The following TAFA1 variants were observed in gnomAD, a reference collection of about 807,000 sequenced individuals.
TAFA1 encodes TAFA chemokine like family member 1.
In TAFA1, 4 loss-of-function variants were observed where a neutral mutation model predicts 18.5. The observed-to-expected ratio is 0.22, with a 90% confidence interval of 0.11 to 0.49. TAFA1 has a LOEUF of 0.49. TAFA1 is among the 20% of genes least tolerant of loss of function. The probability of loss-of-function intolerance (pLI) is 0.98; values close to 1 mark genes in which losing one functional copy is unlikely to be tolerated. For synonymous variants in TAFA1, 56 were observed against 55.2 expected (o/e 1.01, Z -0.06); for missense variants, 147 against 169.0 (o/e 0.87, Z 0.72).
intron 3 of TAFA1, among the ~76,000 whole-genome samples, chr3:68,422,002 A>G (rs2070963004): frequency 6.6e-6 from 1 of 152,114 alleles, no homozygotes; most frequent in South Asian, 2.1e-4. Flanking sequence ...ACATCCATGC[A>G]CTAAAATCAC....
intron 2 of TAFA1, among the ~76,000 whole-genome samples, chr3:68,398,633 G>C (rs1337105122): frequency 1.3e-5 from 2 of 152,130 alleles, no homozygotes; most frequent in Non-Finnish European, 2.9e-5. Context: ...TTTACTGTGA[G>C]GAAGAAAACT....
rs950940251 is a variant in TAFA1 at position 68,514,810 on chromosome 3, T to C, written c.260-23946T>C. Among the ~76,000 whole-genome samples the C allele has an allele frequency of 3.9e-5, 6 of 152,260 alleles. No individual in the cohort carries two copies. The South Asian group carries it at 6.2e-4, about 16-fold the overall frequency. On this transcript the variant is annotated intron_variant, in intron 3 of 4. Coordinates refer to ENST00000478136, the MANE Select transcript of TAFA1 (RefSeq NM_213609.4). ...CTTAGGTCACAAGCCTATTTCTGAA[T>C]CAGTCACTGTGGCCAAAGAGATTGT...
chr3:68,199,222 G>T (rs1318378998), intron 2 of TAFA1, among the ~76,000 whole-genome samples: 1 of 151,382 alleles, frequency 6.6e-6, no homozygotes, highest in Non-Finnish European at 1.5e-5. Context: ...ATTTATTTGT[G>T]TATTCTTTTT....
chr3:68,256,254 A>T (rs572585838), intron 2 of TAFA1, among the ~76,000 whole-genome samples: 16 of 152,176 alleles, frequency 1.1e-4, no homozygotes, highest in Admixed American at 7.2e-4. Context: ...TTGTAAATAC[A>T]CTTCCTCACC....
At chr3:68,298,357 T>C (rs1348340766) in intron 2 of TAFA1, among the ~76,000 whole-genome samples, 1 of 152,098 alleles carries the variant, frequency 6.6e-6, no homozygotes, top group Non-Finnish European at 1.5e-5. Context: ...GACAGGTGAA[T>C]GTGTGTGTCA....
At chr3:68,153,985 T>C (rs537583913) in intron 2 of TAFA1, among the ~76,000 whole-genome samples, 1 of 152,302 alleles carries the variant, frequency 6.6e-6, no homozygotes, top group Non-Finnish European at 1.5e-5. Flanking sequence ...AAATCCTATG[T>C]CAGGCCTTTT....
intron 2 of TAFA1, among the ~76,000 whole-genome samples, chr3:68,337,132 T>C (rs1322056611): frequency 6.6e-6 from 1 of 152,216 alleles, no homozygotes; most frequent in African/African-American, 2.4e-5. Context: ...AAGAACTACC[T>C]GAGGCTGGAT....
At chr3:68,124,334 C>A (rs1390843379) in intron 2 of TAFA1, among the ~76,000 whole-genome samples, 5 of 152,186 alleles carry the variant, frequency 3.3e-5, no homozygotes, top group Admixed American at 6.5e-5. Flanking sequence ...TCTGAGAAAA[C>A]TTCCTGGCTA....
chr3:68,127,665 TGA>T (rs1559530562), intron 2 of TAFA1, among the ~76,000 whole-genome samples: 2 of 11,340 alleles, frequency 1.8e-4, no homozygotes, highest in Admixed American at 9.7e-4. Flanking sequence ...GGTGGTGGTG[TGA>T]TGATGGTGGT....
At chr3:68,427,161 C>G (rs1430420550) in intron 3 of TAFA1, among the ~76,000 whole-genome samples, 3 of 151,788 alleles carry the variant, frequency 2.0e-5, no homozygotes, top group African/African-American at 7.3e-5. Context: ...AGAAATTTCC[C>G]CAAAGTAGCC....
chr3:68,327,972 G>C (rs1313486620), intron 2 of TAFA1, among the ~76,000 whole-genome samples: 1 of 152,004 alleles, frequency 6.6e-6, no homozygotes, highest in Non-Finnish European at 1.5e-5. Flanking sequence ...GAGGCATCTG[G>C]GTATTGAGAC....
chr3:68,536,446 G>A (rs915360329), intron 3 of TAFA1, among the ~76,000 whole-genome samples: 10 of 152,156 alleles, frequency 6.6e-5, no homozygotes, highest in South Asian at 2.1e-4. Context: ...GGAACATGGG[G>A]GATGGAGGGG....
At position 68,345,277 on chromosome 3, in the gene TAFA1, G is replaced by T. The variant is rs145230708; in HGVS notation, c.119-72003G>T. Among the ~76,000 whole-genome samples, 682 of 152,260 alleles carry T rather than the reference G, an allele frequency of 4.5e-3. 5 individuals carry two copies. The highest frequency in any genetic ancestry group is 0.015 in the African/African-American group (644 of 41,562). Reference sequence around the variant, plus strand: ...GAATGAAAGTGAGCAACCAGGGCCAGATCTAATCCTTACCTCGTTCAGGCA... The same window carrying T: ...GAATGAAAGTGAGCAACCAGGGCCATATCTAATCCTTACCTCGTTCAGGCA... On this transcript the variant is annotated intron_variant, in intron 2 of 4. Transcript: ENST00000478136.
At chr3:68,367,713 TG>T (rs1165911076) in intron 2 of TAFA1, among the ~76,000 whole-genome samples, 3 of 152,132 alleles carry the variant, frequency 2.0e-5, no homozygotes, top group Non-Finnish European at 2.9e-5. Context: ...AGGCTCTCTG[TG>T]GTAGGACCCA....
At chr3:68,052,339 C>T (rs897811247) in intron 2 of TAFA1, among the ~76,000 whole-genome samples, 7 of 152,140 alleles carry the variant, frequency 4.6e-5, no homozygotes, top group Admixed American at 3.9e-4. Flanking sequence ...TTCTCAATGG[C>T]ACTCTTTTTT....
chr3:68,477,591 G>T (rs1171929945), intron 3 of TAFA1, among the ~76,000 whole-genome samples: 1 of 152,028 alleles, frequency 6.6e-6, no homozygotes, highest in Admixed American at 6.6e-5. Context: ...ATGTTGGTCA[G>T]GCTGGTCTCA....
chr3:68,261,284 T>G (rs1559584653), intron 2 of TAFA1, among the ~76,000 whole-genome samples: 1 of 152,116 alleles, frequency 6.6e-6, no homozygotes, highest in African/African-American at 2.4e-5. Flanking sequence ...GGAGAGGATG[T>G]GGAGAATTAG....
intron 2 of TAFA1, among the ~76,000 whole-genome samples, chr3:68,017,399 T>A (rs754232710): frequency 6.6e-6 from 1 of 152,202 alleles, no homozygotes; most frequent in Non-Finnish European, 1.5e-5. Flanking sequence ...CAGACTTCTA[T>A]CTATCACCAG....
chr3:68,532,259 C>T (rs1056994970), intron 3 of TAFA1, among the ~76,000 whole-genome samples: 1 of 152,086 alleles, frequency 6.6e-6, no homozygotes, highest in African/African-American at 2.4e-5. Flanking sequence ...GAGGTGGTGT[C>T]ACTGGTTATG....
Sources: allele counts gnomAD v4.1 joint callset (sites outside exome capture counted in the v4.1 genomes callset), GRCh38; gene constraint gnomAD v4.1.1; transcripts MANE v1.5; gene names NCBI Gene and HGNC (gene_info 2026-07-23, HGNC 2026-07-21).